GAB4: variants seen among roughly 807,000 people sequenced by gnomAD.
The protein encoded by GAB4 is GRB2-associated-binding protein 4.
Under a neutral mutation model 51.3 loss-of-function variants are expected in GAB4, and 26 were observed. The ratio of observed to expected loss-of-function variants is 0.51; its 90% CI spans 0.37 to 0.70. The LOEUF is 0.70. GAB4 is among the 30% of genes least tolerant of loss of function. The pLI is 0.00. For synonymous variants in GAB4, 329 were observed against 291.2 expected (o/e 1.13, Z -1.32); for missense variants, 759 against 734.6 (o/e 1.03, Z -0.38).
rs758969194 is a variant in GAB4 at position 16,968,298 on chromosome 22, C to G, written c.1023G>C (p.Leu341=). Reference sequence around the variant, plus strand: ...GGACCCCTGGTTAAGCCATACTCACCAGGAAAGAACAGACTCCCTCATGCA... The same window carrying G: ...GGACCCCTGGTTAAGCCATACTCACGAGGAAAGAACAGACTCCCTCATGCA... ...ESMHEGVCSF[L]PGRTLVGLSD... The change falls in exon 5 of 10, where the codon CTG becomes CTC. Residue 341 remains leucine (L), a splice_region_variant and synonymous_variant. Transcript: ENST00000400588. The G allele has an allele frequency of 3.7e-6, 6 of 1,612,160 alleles. No homozygotes were observed. The highest frequency in any genetic ancestry group is 5.1e-6 in the Non-Finnish European group (6 of 1,178,240).
intron 5 of GAB4, chr22:16,967,121 T>A (rs779615711): frequency 2.0e-5 from 3 of 152,156 alleles, no homozygotes; most frequent in Non-Finnish European, 4.4e-5. Flanking sequence ...TTGTGACAAA[T>A]CTATGGGATA....
chr22:16,997,271 G>A (rs1180546392), intron 1 of GAB4, among the ~76,000 whole-genome samples: 1 of 152,176 alleles, frequency 6.6e-6, no homozygotes, highest in African/African-American at 2.4e-5. Flanking sequence ...CAGTGTAAAA[G>A]CCTTCCTATT....
chr22:16,990,512 G>T (rs905361512), intron 2 of GAB4, among the ~76,000 whole-genome samples: 15 of 152,242 alleles, frequency 9.9e-5, no homozygotes, highest in African/African-American at 3.6e-4. Flanking sequence ...GGTAGGAAAG[G>T]CCACTTTTCC....
intron 4 of GAB4, 43 bp from the exon 5 acceptor site, chr22:16,968,426 A>C (rs1389243661): frequency 1.4e-6 from 2 of 1,413,578 alleles, no homozygotes; most frequent in Non-Finnish European, 1.0e-6. Flanking sequence ...CAGCTGATCC[A>C]TGTGTTGATG....
intron 3 of GAB4, among the ~76,000 whole-genome samples, chr22:16,984,497 A>C (rs1601272469): frequency 6.6e-6 from 1 of 152,220 alleles, no homozygotes; most frequent in Non-Finnish European, 1.5e-5. Flanking sequence ...TGTGTCTTCC[A>C]ATTAAAACTG....
intron 3 of GAB4, among the ~76,000 whole-genome samples, chr22:16,983,424 G>A (rs1432473421): frequency 6.6e-6 from 1 of 152,030 alleles, no homozygotes; most frequent in Admixed American, 6.5e-5. Context: ...ATACCATTCT[G>A]TATTTTCTAC....
intron 3 of GAB4, among the ~76,000 whole-genome samples, chr22:16,975,524 A>T (rs191953900): frequency 6.6e-6 from 1 of 152,346 alleles, no homozygotes; most frequent in African/African-American, 2.4e-5. Flanking sequence ...GGGTTTATAG[A>T]TAAAACCCCA....
intron 3 of GAB4, 67 bp from the exon 4 acceptor site, chr22:16,970,260 C>A (rs953095232): frequency 1.7e-5 from 26 of 1,570,066 alleles, no homozygotes; most frequent in Non-Finnish European, 2.0e-5. Context: ...GGGAGGCAGG[C>A]GGGGAAGTTC....
At position 16,962,674 on chromosome 22, in the gene GAB4, G is replaced by A. The variant is rs2060638510; in HGVS notation, c.*59C>T. The A allele has an allele frequency of 6.7e-7, 1 of 1,503,480 alleles. No individual in the cohort carries two copies. The highest frequency in any genetic ancestry group is 9.1e-7 in the Non-Finnish European group (1 of 1,104,422). The allele number at this position is 1,503,480 out of a possible 1,614,324, so 93.1% of individuals were successfully genotyped here. On this transcript the variant is annotated 3_prime_UTR_variant, in exon 10 of 10. Coordinates refer to ENST00000400588, the MANE Select transcript of GAB4 (RefSeq NM_001037814.1). ...GTCCCTGATATTACAGAGCTTTAGA[G>A]TGTGGCGGAGCAGCTCTGAGGCACT...
intron 3 of GAB4, among the ~76,000 whole-genome samples, chr22:16,981,998 T>C (rs1233363985): frequency 1.3e-5 from 2 of 152,156 alleles, no homozygotes; most frequent in Non-Finnish European, 2.9e-5. Flanking sequence ...AGTTATTTGA[T>C]AAAATGCTAC....
At chr22:16,987,936 C>T in intron 3 of GAB4, 24 bp downstream of exon 3, 4 of 1,563,518 alleles carry the variant, frequency 2.6e-6, no homozygotes, top group South Asian at 1.2e-5. Flanking sequence ...GTCACTGCCC[C>T]CACTGGCCAT....
intron 2 of GAB4, 48 bp from the exon 3 acceptor site, chr22:16,988,215 G>T: frequency 7.8e-7 from 1 of 1,287,512 alleles, no homozygotes; most frequent in Non-Finnish European, 1.1e-6. Flanking sequence ...AAAGTGGGCT[G>T]CTAGAGGCAG....
At chr22:16,964,489 T>C (rs185613644) in intron 8 of GAB4, among the ~76,000 whole-genome samples, 166 of 152,268 alleles carry the variant, frequency 1.1e-3, no homozygotes, top group Admixed American at 8.8e-3. Context: ...CTCTGCCTCT[T>C]CCAGGGCAGG....
chr22:16,977,993 G>GACACA (rs148844984), intron 3 of GAB4, among the ~76,000 whole-genome samples: 3 of 39,548 alleles, frequency 7.6e-5, no homozygotes, highest in African/African-American at 1.9e-4. Flanking sequence ...TGAGAACAAA[G>GACACA]ACACAATGTA....
At chr22:16,978,199 T>C (rs2060795875) in intron 3 of GAB4, among the ~76,000 whole-genome samples, 1 of 151,792 alleles carries the variant, frequency 6.6e-6, no homozygotes, top group South Asian at 2.1e-4. Context: ...AGCTGAAGGA[T>C]ATAGAGACAC....
At chr22:16,979,671 T>C (rs370360188) in intron 3 of GAB4, among the ~76,000 whole-genome samples, 2 of 152,162 alleles carry the variant, frequency 1.3e-5, no homozygotes, top group Admixed American at 1.3e-4. Context: ...CTACTTTAAA[T>C]TTCATAAGGA....
At chr22:17,004,981 G>A (rs1476794639) in intron 1 of GAB4, among the ~76,000 whole-genome samples, 4 of 152,176 alleles carry the variant, frequency 2.6e-5, no homozygotes, top group Admixed American at 2.6e-4. Flanking sequence ...ATTCAACATA[G>A]TATTGGAAGT....
In GAB4 at chr22:16,987,946, T is replaced by C. The variant is rs758584455; in HGVS notation, c.686+14A>G. 1.9e-6 allele frequency: 3 copies of C among 1,581,812 alleles called. No individual in the cohort carries two copies. Among genetic ancestry groups the C allele is most frequent in the Middle Eastern group, 2.2e-4 (1 of 4,604 alleles). ...TGGGGGTCACTGCCCCCACTGGCCA[T>C]AGTAGCCCCCTACCTTGCATGTTCT... On this transcript the variant is annotated intron_variant, in intron 3 of 9. Coordinates refer to ENST00000400588, the MANE Select transcript of GAB4 (RefSeq NM_001037814.1).
intron 3 of GAB4, among the ~76,000 whole-genome samples, chr22:16,976,491 G>C (rs2060779884): frequency 6.6e-6 from 1 of 152,154 alleles, no homozygotes; most frequent in Non-Finnish European, 1.5e-5. Flanking sequence ...AAAGAAATGA[G>C]CAAAGCCTCA....
Sources: gnomAD v4.1 joint callset for allele counts (sites outside exome capture counted in the v4.1 genomes callset) on GRCh38, gnomAD v4.1.1 for gene constraint, MANE v1.5 for transcripts, NCBI Gene and HGNC (gene_info 2026-07-23, HGNC 2026-07-21) for gene names.